The following NUP98 variants were observed in gnomAD, a reference collection of about 807,000 sequenced individuals.
The protein encoded by NUP98 is nucleoporin 98 and 96 precursor.
Under a neutral mutation model 191.9 loss-of-function variants are expected in NUP98, and 26 were observed. That is an observed-to-expected ratio of 0.14 (90% CI 0.10 to 0.19). The LOEUF (loss-of-function observed/expected upper bound fraction) is 0.19, where lower values mean the gene tolerates loss of function less well. Among genes scored for constraint, NUP98 ranks in the 10% least tolerant of loss-of-function variants. The probability of loss-of-function intolerance (pLI) is 1.00; values close to 1 mark genes in which losing one functional copy is unlikely to be tolerated. For missense variants in NUP98, 1,941 were observed against 2,178.8 expected (o/e 0.89, Z 2.17); for synonymous variants, 808 against 778.4 (o/e 1.04, Z -0.63).
rs2078615831 is a variant in NUP98, at chr11:3,699,610, C to A, written c.3743-262G>T. Among the ~76,000 whole-genome samples the A allele has an allele frequency of 2.0e-5, 3 of 152,310 alleles. No homozygotes were observed. The South Asian group carries it at 6.2e-4, about 32-fold the overall frequency. On this transcript the variant is annotated intron_variant, in intron 24 of 32. Transcript: ENST00000324932. Reference sequence around the variant, plus strand: ...AAATGTAACCGTTAAACAGGTTCCCCAAGCCTAATTATGGCTAGTGTCATC... The same window carrying A: ...AAATGTAACCGTTAAACAGGTTCCCAAAGCCTAATTATGGCTAGTGTCATC...
At chr11:3,741,276 G>A (rs769940471) in intron 12 of NUP98, among the ~76,000 whole-genome samples, 1 of 151,874 alleles carries the variant, frequency 6.6e-6, no homozygotes, top group East Asian at 1.9e-4. Flanking sequence ...AGAAACAGGT[G>A]TTGTGGTTAA....
At chr11:3,793,901 G>A (rs370016787) in intron 1 of NUP98, among the ~76,000 whole-genome samples, 4 of 152,054 alleles carry the variant, frequency 2.6e-5, no homozygotes, top group South Asian at 4.1e-4. Flanking sequence ...CCCACGAGGC[G>A]GAGGTTGCGG....
rs144400627 is a variant in NUP98, at chr11:3,752,907, T to C, written c.1267+409A>G. Among the ~76,000 whole-genome samples, 608 of 152,300 alleles carry C rather than the reference T, an allele frequency of 4.0e-3. 6 individuals carry two copies. Among genetic ancestry groups the C allele is most frequent in the African/African-American group, 0.013 (548 of 41,558 alleles). ...CAATGGAACTAAATGAAATTCTCCT[T>C]GCAAAGGAGAATTACATCAGCATGT... On this transcript the variant is annotated intron_variant, in intron 11 of 32. Coordinates refer to ENST00000324932, the MANE Select transcript of NUP98 (RefSeq NM_016320.5).
intron 20 of NUP98, among the ~76,000 whole-genome samples, chr11:3,709,350 G>A (rs921344759): frequency 6.6e-6 from 1 of 152,042 alleles, no homozygotes; most frequent in South Asian, 2.1e-4. Context: ...ACCAGCATGG[G>A]CAACATACTG....
At chr11:3,703,649 ACTC>A (rs1174414341) in intron 22 of NUP98, among the ~76,000 whole-genome samples, 2 of 152,100 alleles carry the variant, frequency 1.3e-5, no homozygotes, top group East Asian at 3.9e-4. Flanking sequence ...GTCTGGCACC[ACTC>A]CTCATGCCCT....
At chr11:3,751,087 G>A (rs754570325) in intron 11 of NUP98, among the ~76,000 whole-genome samples, 3 of 152,108 alleles carry the variant, frequency 2.0e-5, no homozygotes, top group Non-Finnish European at 2.9e-5. Context: ...GGCCGGGCAC[G>A]ATGGCTCACA....
At chr11:3,711,955 A>T (rs1041782136) in intron 20 of NUP98, 5 of 1,043,682 alleles carry the variant, frequency 4.8e-6, no homozygotes, top group Admixed American at 1.1e-4. Context: ...AGGATGCTTT[A>T]CAAAGAAATC....
At chr11:3,724,621 C>A (rs1461193833) in intron 15 of NUP98, among the ~76,000 whole-genome samples, 1 of 150,956 alleles carries the variant, frequency 6.6e-6, no homozygotes, top group East Asian at 1.9e-4. Flanking sequence ...GGTGAAACGC[C>A]GTCTCTACTA....
At chr11:3,704,944 G>A (rs1325853536) in intron 22 of NUP98, among the ~76,000 whole-genome samples, 6 of 152,230 alleles carry the variant, frequency 3.9e-5, no homozygotes, top group African/African-American at 1.4e-4. Context: ...AAGAGTTCAA[G>A]GCTGTAGTAA....
chr11:3,695,297 T>G, intron 26 of NUP98, 152 bp downstream of exon 26: 1 of 611,626 alleles, frequency 1.6e-6, no homozygotes, highest in East Asian at 3.0e-5. Context: ...AAAGTGTGCA[T>G]GCCTGCCTTT....
chr11:3,744,373 CTTT>C (rs2080408409), intron 12 of NUP98, 133 bp downstream of exon 12: 5 of 854,826 alleles, frequency 5.8e-6, no homozygotes, highest in African/African-American at 1.7e-5. Flanking sequence ...ATAAGCCCTT[CTTT>C]ACTACCCAAT....
intron 20 of NUP98, 120 bp downstream of exon 20, chr11:3,712,444 C>CCA: frequency 6.7e-7 from 1 of 1,495,136 alleles, no homozygotes; most frequent in East Asian, 2.3e-5. Flanking sequence ...AACGTGATTG[C>CCA]CAATGTTTGT....
At chr11:3,774,017 T>G (rs7108073) in intron 5 of NUP98, among the ~76,000 whole-genome samples, 1 of 152,180 alleles carries the variant, frequency 6.6e-6, no homozygotes, top group Non-Finnish European at 1.5e-5. Context: ...CATGTAATAT[T>G]ATGCATAAAG....
intron 11 of NUP98, among the ~76,000 whole-genome samples, chr11:3,751,734 C>G (rs1191335879): frequency 6.6e-6 from 1 of 152,040 alleles, no homozygotes; most frequent in African/African-American, 2.4e-5. Context: ...TGGCTTGCAC[C>G]TGTTGTCCCA....
chr11:3,694,084 AAAAAAG>A (rs1345375872), intron 26 of NUP98, among the ~76,000 whole-genome samples: 1 of 151,396 alleles, frequency 6.6e-6, no homozygotes, highest in Non-Finnish European at 1.5e-5. Context: ...TACAAAAAAA[AAAAAAG>A]GCCGGGTGCA....
intron 20 of NUP98, among the ~76,000 whole-genome samples, chr11:3,710,694 G>C (rs1394461686): frequency 1.3e-5 from 2 of 152,058 alleles, no homozygotes; most frequent in African/African-American, 2.4e-5. Flanking sequence ...TAAAATGTAG[G>C]GTCTTTGGTG....
At chr11:3,778,743 T>C in intron 4 of NUP98, 130 bp downstream of exon 4, 1 of 875,872 alleles carries the variant, frequency 1.1e-6, no homozygotes, top group South Asian at 1.7e-5. Flanking sequence ...ATTGAAGTTT[T>C]CCTCTTCCCT....
intron 22 of NUP98, among the ~76,000 whole-genome samples, chr11:3,704,060 A>C (rs2078788448): frequency 6.6e-6 from 1 of 152,192 alleles, no homozygotes; most frequent in African/African-American, 2.4e-5. Context: ...GGAGTTAAAT[A>C]TTATTGAAGT....
At chr11:3,760,456 T>C in intron 10 of NUP98, 83 bp downstream of exon 10, 1 of 1,603,878 alleles carries the variant, frequency 6.2e-7, no homozygotes, top group Non-Finnish European at 8.5e-7. Flanking sequence ...CAGTGTAACT[T>C]TAAGAGAGCC....
Sources: gnomAD v4.1 joint callset for allele counts (sites outside exome capture counted in the v4.1 genomes callset) on GRCh38, gnomAD v4.1.1 for gene constraint, MANE v1.5 for transcripts, NCBI Gene and HGNC (gene_info 2026-07-23, HGNC 2026-07-21) for gene names.